CCND3: variants seen among roughly 807,000 people sequenced by gnomAD.
The protein encoded by CCND3 is cyclin D3.
In CCND3, 9 loss-of-function variants were observed where a neutral mutation model predicts 28.7. The ratio of observed to expected loss-of-function variants is 0.31; its 90% CI spans 0.19 to 0.55. CCND3 has a LOEUF of 0.55. Among genes scored for constraint, CCND3 ranks in the 20% least tolerant of loss-of-function variants. CCND3 has a pLI of 0.93. For missense variants in CCND3, 315 were observed against 385.8 expected (o/e 0.82, Z 1.54); for synonymous variants, 164 against 163.9 (o/e 1.00, Z 0.00).
chr6:41,948,845 CAAAAAAA>C lies in CCND3; in HGVS notation c.-45-8267_-45-8261del, dbSNP rs112279157. On this transcript the variant is annotated intron_variant, in intron 1 of 4. Transcript: ENST00000372988. The stretch of plus-strand genomic sequence containing the variant: ...TGGACTACAGAACGAGACTCCATCT[CAAAAAAA>C]AAAAAAAGAAAAAAAGAAAAAAGAA... Among the ~76,000 whole-genome samples, 415 of 95,510 alleles carry C rather than the reference CAAAAAAA, an allele frequency of 4.3e-3. 2 individuals carry two copies. The highest frequency in any genetic ancestry group is 0.014 in the African/African-American group (376 of 27,004). The allele number at this position is 95,510 out of a possible 152,430, so 62.7% of individuals were successfully genotyped here. A position where few individuals can be genotyped will look rare whatever the true frequency, so the allele number is the denominator to read the frequency against.
chr6:42,029,026 G>T (rs1763968891), intron 1 of CCND3, among the ~76,000 whole-genome samples: 1 of 150,706 alleles, frequency 6.6e-6, no homozygotes, highest in Admixed American at 6.6e-5. Flanking sequence ...AAGACTGTAG[G>T]ATTGCAGTGG....
Position 41,958,384 on chromosome 6 carries a change from C to G in CCND3, c.-45-17799G>C, listed in dbSNP as rs144082269. Reference sequence around the variant, plus strand: ...ACATTTTTAGCAAAAAGCCATACTTCCCCCAAACTCGAAAACCCCTGCTAG... The same window carrying G: ...ACATTTTTAGCAAAAAGCCATACTTGCCCCAAACTCGAAAACCCCTGCTAG... On this transcript the variant is annotated intron_variant, in intron 1 of 4. Coordinates refer to the CCND3 transcript ENST00000372988. 4.8e-3 allele frequency among the ~76,000 whole-genome samples: 727 copies of G among 152,230 alleles called. 8 individuals are homozygous for G. The highest frequency in any genetic ancestry group is 0.017 in the African/African-American group (694 of 41,532).
At chr6:42,043,269 G>A (rs1211757194) in intron 1 of CCND3, among the ~76,000 whole-genome samples, 1 of 152,218 alleles carries the variant, frequency 6.6e-6, no homozygotes, top group Non-Finnish European at 1.5e-5. Context: ...TGGGCGCGGT[G>A]GCTTACACCT....
intron 1 of CCND3, among the ~76,000 whole-genome samples, chr6:42,004,782 T>C (rs1763130719): frequency 6.6e-6 from 1 of 152,106 alleles, no homozygotes; most frequent in African/African-American, 2.4e-5. Flanking sequence ...CAAACCAGTA[T>C]ATCTTTTAAA....
At chr6:41,967,470 A>AG (rs1205405727) in intron 1 of CCND3, among the ~76,000 whole-genome samples, 1 of 152,246 alleles carries the variant, frequency 6.6e-6, no homozygotes, top group Non-Finnish European at 1.5e-5. Context: ...CATCTATAAA[A>AG]GGAGCTGGGC....
intron 1 of CCND3, among the ~76,000 whole-genome samples, chr6:42,009,536 T>C (rs1444456686): frequency 6.6e-6 from 1 of 152,162 alleles, no homozygotes; most frequent in Non-Finnish European, 1.5e-5. Flanking sequence ...CACTTGAATC[T>C]GGGAGGCGGA....
intron 1 of CCND3, among the ~76,000 whole-genome samples, chr6:41,975,345 A>G (rs1582123609): frequency 6.6e-6 from 1 of 152,110 alleles, no homozygotes; most frequent in Non-Finnish European, 1.5e-5. Flanking sequence ...CTGTGGCTGC[A>G]TGGGTGGTGC....
At chr6:42,026,694 C>G (rs1313265409) in intron 1 of CCND3, among the ~76,000 whole-genome samples, 1 of 152,190 alleles carries the variant, frequency 6.6e-6, no homozygotes, top group Non-Finnish European at 1.5e-5. Context: ...CCCAAACTCC[C>G]TGTCAGCTAA....
At chr6:41,948,771 G>A (rs935095176) in intron 1 of CCND3, among the ~76,000 whole-genome samples, 10 of 151,560 alleles carry the variant, frequency 6.6e-5, no homozygotes, top group Admixed American at 1.3e-4. Context: ...ACCGGGACCC[G>A]GGAAGCGGAG....
intron 1 of CCND3, 180 bp from the exon 2 acceptor site, chr6:41,940,765 T>C: frequency 2.6e-6 from 2 of 774,084 alleles, no homozygotes; most frequent in Non-Finnish European, 4.5e-6. Flanking sequence ...CGCCCCCCAC[T>C]TCCTCTGCGC....
At chr6:42,023,963 A>G (rs985242328) in intron 1 of CCND3, among the ~76,000 whole-genome samples, 1 of 152,184 alleles carries the variant, frequency 6.6e-6, no homozygotes, top group Non-Finnish European at 1.5e-5. Context: ...TAATACATAC[A>G]CTTATTAGGG....
At chr6:42,016,550 TGGTAA>T in intron 1 of CCND3, among the ~76,000 whole-genome samples, 1 of 151,918 alleles carries the variant, frequency 6.6e-6, no homozygotes, top group Non-Finnish European at 1.5e-5. Context: ...GCCTAGCATA[TGGTAA>T]ATGCTTGATA....
At chr6:42,038,543 TAAA>T (rs78535061) in intron 1 of CCND3, among the ~76,000 whole-genome samples, 1 of 121,030 alleles carries the variant, frequency 8.3e-6, no homozygotes, top group Non-Finnish European at 1.8e-5. Context: ...CCATCTCAAC[TAAA>T]AAAAAAAAAA....
intron 1 of CCND3, among the ~76,000 whole-genome samples, chr6:42,034,956 C>T (rs533988174): frequency 9.3e-4 from 141 of 152,158 alleles, no homozygotes; most frequent in Non-Finnish European, 1.7e-3. Context: ...ATTTCAAGGT[C>T]CACCCATTAT....
At chr6:42,026,432 G>T (rs1763878641) in intron 1 of CCND3, among the ~76,000 whole-genome samples, 1 of 152,126 alleles carries the variant, frequency 6.6e-6, no homozygotes, top group South Asian at 2.1e-4. Flanking sequence ...TGACCAGAGG[G>T]GAGGGAGTCC....
intron 1 of CCND3, among the ~76,000 whole-genome samples, chr6:41,977,520 C>G (rs1348731347): frequency 6.6e-6 from 1 of 152,094 alleles, no homozygotes; most frequent in Non-Finnish European, 1.5e-5. Context: ...GCACCTGCCA[C>G]GATGCCCAGC....
chr6:41,967,056 A>T (rs561598100), intron 1 of CCND3, among the ~76,000 whole-genome samples: 1 of 152,282 alleles, frequency 6.6e-6, no homozygotes, highest in Admixed American at 6.5e-5. Flanking sequence ...GGCTTCCTGG[A>T]TTCCCTAGCA....
chr6:41,976,711 G>T (rs1582124912), intron 1 of CCND3, among the ~76,000 whole-genome samples: 1 of 152,154 alleles, frequency 6.6e-6, no homozygotes, highest in South Asian at 2.1e-4. Flanking sequence ...TTTTATATAT[G>T]AAGAAATTGA....
upstream of CCND3, among the ~76,000 whole-genome samples, chr6:41,942,826 C>A (rs1776072922): frequency 6.7e-6 from 1 of 150,218 alleles, no homozygotes; most frequent in Non-Finnish European, 1.5e-5. Context: ...GTCCTCCTGA[C>A]TTAGGAGACA....
Sources: allele counts gnomAD v4.1 joint callset (sites outside exome capture counted in the v4.1 genomes callset), GRCh38; gene constraint gnomAD v4.1.1; transcripts MANE v1.5; gene names NCBI Gene and HGNC (gene_info 2026-07-23, HGNC 2026-07-21).